SND1: variants seen among roughly 807,000 people sequenced by gnomAD.
The protein encoded by SND1 is staphylococcal nuclease domain-containing protein 1.
A neutral mutation model predicts 121.7 loss-of-function variants in SND1; 38 were observed. That is an observed-to-expected ratio of 0.31 (90% CI 0.24 to 0.41). The LOEUF (loss-of-function observed/expected upper bound fraction) is 0.41, where lower values mean the gene tolerates loss of function less well. Ranked by LOEUF, SND1 falls within the 10% of genes least tolerant of loss-of-function variation. The probability of loss-of-function intolerance (pLI) is 1.00; values close to 1 mark genes in which losing one functional copy is unlikely to be tolerated. For synonymous variants in SND1, 401 were observed against 447.4 expected (o/e 0.90, Z 1.31); for missense variants, 868 against 1,184.6 (o/e 0.73, Z 3.92).
intron 17 of SND1, among the ~76,000 whole-genome samples, chr7:128,077,412 AG>A (rs1027469714): frequency 2.6e-5 from 4 of 152,188 alleles, no homozygotes; most frequent in African/African-American, 9.6e-5. Context: ...TCTTTCCCTC[AG>A]GGTGGCCGCA....
intron 1 of SND1, among the ~76,000 whole-genome samples, chr7:127,680,504 T>C (rs557217431): frequency 6.6e-6 from 1 of 152,234 alleles, no homozygotes; most frequent in South Asian, 2.1e-4. Flanking sequence ...CACATTCTCT[T>C]TCTCAGGGAT....
chr7:128,047,859 T>A (rs1027880588), intron 16 of SND1, among the ~76,000 whole-genome samples: 1 of 152,156 alleles, frequency 6.6e-6, no homozygotes, highest in Non-Finnish European at 1.5e-5. Flanking sequence ...ATCTTTTTTT[T>A]TTTTTGAGAC....
chr7:127,990,729 A>T (rs982960214), intron 15 of SND1, among the ~76,000 whole-genome samples: 1 of 152,184 alleles, frequency 6.6e-6, no homozygotes, highest in Non-Finnish European at 1.5e-5. Flanking sequence ...GAGAGCTCCT[A>T]TCCATTGGTG....
chr7:127,745,505 T>G (rs1034042180), intron 10 of SND1, among the ~76,000 whole-genome samples: 8 of 152,218 alleles, frequency 5.3e-5, no homozygotes, highest in African/African-American at 1.9e-4. Context: ...AGAATCTTGC[T>G]GTTTTTTATT....
At chr7:127,927,358 A>G (rs878885475) in intron 14 of SND1, among the ~76,000 whole-genome samples, 6 of 152,210 alleles carry the variant, frequency 3.9e-5, no homozygotes, top group Non-Finnish European at 8.8e-5. Flanking sequence ...GCGATAATCA[A>G]TTTGATAATT....
intron 12 of SND1, among the ~76,000 whole-genome samples, chr7:127,861,948 C>T (rs1234213822): frequency 6.6e-6 from 1 of 152,200 alleles, no homozygotes; most frequent in African/African-American, 2.4e-5. Context: ...ATCTTTAACA[C>T]ATTTGTTGAA....
intron 10 of SND1, among the ~76,000 whole-genome samples, chr7:127,745,446 A>G (rs1796964316): frequency 6.6e-6 from 1 of 152,200 alleles, no homozygotes; most frequent in Non-Finnish European, 1.5e-5. Context: ...GATGGAAACA[A>G]GGGACTTGAT....
rs188375605 is a variant in SND1, at chr7:127,794,488, A to G, written c.1153-12996A>G. ...TCTTCCAGGAAGAAACTTTAATAATAATAATTATTTTTTAATATGGTGAAG... is the reference window on the plus strand; with the variant it reads ...TCTTCCAGGAAGAAACTTTAATAATGATAATTATTTTTTAATATGGTGAAG... On this transcript the variant is annotated intron_variant, in intron 10 of 23. Coordinates refer to ENST00000354725, the MANE Select transcript of SND1 (RefSeq NM_014390.4). 1.6e-3 allele frequency among the ~76,000 whole-genome samples: 244 copies of G among 152,314 alleles called. 1 individual carries two copies. The highest frequency in any genetic ancestry group is 1.4e-3 in the Admixed American group (22 of 15,302).
chr7:128,080,269 C>T (rs992417078), intron 17 of SND1, among the ~76,000 whole-genome samples: 1 of 152,280 alleles, frequency 6.6e-6, no homozygotes, highest in Non-Finnish European at 1.5e-5. Context: ...CCTGCTCTGA[C>T]AGACCTCACC....
At chr7:127,973,343 A>G (rs1423459657) in intron 15 of SND1, among the ~76,000 whole-genome samples, 1 of 152,226 alleles carries the variant, frequency 6.6e-6, no homozygotes, top group Non-Finnish European at 1.5e-5. Context: ...AATTGGAAGC[A>G]CAGAGAGCAA....
At chr7:127,744,288 G>GT (rs1223247739) in intron 10 of SND1, among the ~76,000 whole-genome samples, 1 of 151,182 alleles carries the variant, frequency 6.6e-6, no homozygotes, top group Non-Finnish European at 1.5e-5. Context: ...TCAATTTGCC[G>GT]TTTTTGGGTC....
intron 10 of SND1, among the ~76,000 whole-genome samples, chr7:127,780,244 G>A (rs1797696234): frequency 6.6e-6 from 1 of 152,152 alleles, no homozygotes; most frequent in South Asian, 2.1e-4. Flanking sequence ...ATATGTTTTG[G>A]AATAACTTTC....
chr7:127,884,920 T>C (rs1214327173), intron 12 of SND1, among the ~76,000 whole-genome samples: 1 of 152,166 alleles, frequency 6.6e-6, no homozygotes, highest in African/African-American at 2.4e-5. Context: ...GTACTTTCAC[T>C]GGTAGGGTTG....
intron 14 of SND1, among the ~76,000 whole-genome samples, chr7:127,925,891 G>C (rs188453332): frequency 0.012 from 1,879 of 151,628 alleles, 21 homozygotes; most frequent in Non-Finnish European, 0.018. Flanking sequence ...CATCGCGCCC[G>C]GCCAGGTCTT....
At chr7:128,051,723 A>G (rs1793050060) in intron 16 of SND1, among the ~76,000 whole-genome samples, 2 of 152,210 alleles carry the variant, frequency 1.3e-5, no homozygotes, top group African/African-American at 4.8e-5. Context: ...GGATGGAAAG[A>G]AAGGACAAAC....
rs200496270 is a variant in SND1 at position 127,980,114 on chromosome 7, T to C, written c.1670-10833T>C. The stretch of plus-strand genomic sequence containing the variant: ...TATTTTATTTTATTCTTTTTCTTTT[T>C]TTTTTTTTTTTTTTTTGAGACGGAG... On this transcript the variant is annotated intron_variant, in intron 15 of 23. Coordinates refer to ENST00000354725, the MANE Select transcript of SND1 (RefSeq NM_014390.4). Among the ~76,000 whole-genome samples the C allele has an allele frequency of 2.6e-4, 4 of 15,626 alleles. 2 individuals are homozygous for C. The highest frequency in any genetic ancestry group is 5.0e-3 in the African/African-American group (2 of 402). The allele number at this position is 15,626 out of a possible 152,430, so 10.3% of individuals were successfully genotyped here.
At position 127,837,785 on chromosome 7, in the gene SND1, A is replaced by T. The variant is rs118007345; in HGVS notation, c.1243-6539A>T. On this transcript the variant is annotated intron_variant, in intron 11 of 23. Transcript: ENST00000354725. ...AGAGAAAAATTATTAAAACTACATTATGTAAATATTAAGGAGCACTTTGTA... is the reference window on the plus strand; with the variant it reads ...AGAGAAAAATTATTAAAACTACATTTTGTAAATATTAAGGAGCACTTTGTA... 8.0e-3 allele frequency among the ~76,000 whole-genome samples: 1,218 copies of T among 152,390 alleles called. 17 individuals are homozygous for T. Among genetic ancestry groups the T allele is most frequent in the Middle Eastern group, 0.014 (4 of 294 alleles).
chr7:128,012,822 G>A (rs948784173), intron 16 of SND1, among the ~76,000 whole-genome samples: 8 of 152,116 alleles, frequency 5.3e-5, no homozygotes, highest in African/African-American at 1.9e-4. Flanking sequence ...GGGGGGTTTT[G>A]TGATTTACAC....
At chr7:127,818,600 C>T (rs1798491226) in intron 11 of SND1, among the ~76,000 whole-genome samples, 1 of 152,114 alleles carries the variant, frequency 6.6e-6, no homozygotes, top group Non-Finnish European at 1.5e-5. Context: ...GAAGTCAGTA[C>T]GTCAGTGCCT....
Sources: gnomAD v4.1 joint callset for allele counts (sites outside exome capture counted in the v4.1 genomes callset) on GRCh38, gnomAD v4.1.1 for gene constraint, MANE v1.5 for transcripts, NCBI Gene and HGNC (gene_info 2026-07-23, HGNC 2026-07-21) for gene names.